Variants in SGCD observed in about 807,000 individuals in gnomAD.
SGCD encodes the protein delta-sarcoglycan.
A neutral mutation model predicts 36.6 loss-of-function variants in SGCD; 18 were observed. The observed-to-expected ratio is 0.49, with a 90% CI of 0.34 to 0.73. The LOEUF is 0.73. SGCD is among the 30% of genes least tolerant of loss of function. SGCD has a pLI of 0.01. For synonymous variants in SGCD, 133 were observed against 130.6 expected, an observed-to-expected ratio of 1.02 and a Z score of -0.12; for missense variants, 387 against 346.7, an observed-to-expected ratio of 1.12 and a Z score of -0.92.
At chr5:156,072,045 C>T (rs1760587051) in intron 1 of SGCD, among the ~76,000 whole-genome samples, 1 of 152,160 alleles carries the variant, frequency 6.6e-6, no homozygotes, top group South Asian at 2.1e-4. Context: ...AGATGGGTTT[C>T]CTCAATACAG....
intron 1 of SGCD, among the ~76,000 whole-genome samples, chr5:156,107,683 G>T (rs947149451): frequency 2.0e-5 from 3 of 151,854 alleles, no homozygotes; most frequent in Admixed American, 6.6e-5. Flanking sequence ...GTTGATCTTT[G>T]TTTTTTTGTC....
intron 7 of SGCD, among the ~76,000 whole-genome samples, chr5:156,695,473 C>A (rs1353921059): frequency 4.6e-5 from 7 of 151,192 alleles, no homozygotes; most frequent in African/African-American, 7.3e-5. Context: ...TAAAATAAAT[C>A]AACCTCTCTC....
At position 156,470,392 on chromosome 5, in the gene SGCD, T is replaced by A. The variant is rs552129384; in HGVS notation, c.193-38209T>A. Among the ~76,000 whole-genome samples the A allele has an allele frequency of 2.0e-5, 3 of 152,300 alleles. No individual in the cohort carries two copies. The East Asian group carries it at 5.8e-4, about 29-fold the overall frequency. ...AGTTTTAGGGTAGATGTGCACAATGTGCAGTTTAGTTACATATGTATACAT... is the reference window on the plus strand; with the variant it reads ...AGTTTTAGGGTAGATGTGCACAATGAGCAGTTTAGTTACATATGTATACAT... On this transcript the variant is annotated intron_variant, in intron 3 of 8. Transcript: ENST00000337851.
intron 4 of SGCD, among the ~76,000 whole-genome samples, chr5:156,528,512 C>A (rs1276294636): frequency 6.6e-6 from 1 of 152,054 alleles, no homozygotes; most frequent in Non-Finnish European, 1.5e-5. Context: ...CTCAAAGATT[C>A]TCTAAGAAGC....
At chr5:156,645,577 A>C (rs1041369885) in intron 6 of SGCD, among the ~76,000 whole-genome samples, 9 of 152,208 alleles carry the variant, frequency 5.9e-5, no homozygotes, top group Admixed American at 5.9e-4. Flanking sequence ...GAGGGACTTA[A>C]TCTGCTAAGG....
intron 7 of SGCD, among the ~76,000 whole-genome samples, chr5:156,707,718 C>T (rs1409360663): frequency 6.6e-6 from 1 of 152,144 alleles, no homozygotes; most frequent in Non-Finnish European, 1.5e-5. Context: ...ATGATAGACA[C>T]TCATTACAGG....
intron 3 of SGCD, among the ~76,000 whole-genome samples, chr5:156,447,270 A>C (rs1275066146): frequency 1.3e-5 from 2 of 152,200 alleles, no homozygotes; most frequent in African/African-American, 4.8e-5. Context: ...GAACCATATA[A>C]AATTTCTAAT....
At chr5:155,830,033 G>A in the SGCD span, among the ~76,000 whole-genome samples, 362 of 152,194 alleles carry the variant, frequency 2.4e-3, 1 homozygote, top group Non-Finnish European at 2.5e-3. Flanking sequence ...ATGAGGGGAT[G>A]GAGGCCCAAA....
chr5:156,685,531 A>G (rs1413158146), intron 7 of SGCD, among the ~76,000 whole-genome samples: 1 of 152,186 alleles, frequency 6.6e-6, no homozygotes, highest in Non-Finnish European at 1.5e-5. Context: ...AATCCTGATG[A>G]GCATCTTTTT....
chr5:156,426,925 AT>A (rs2127784405), intron 3 of SGCD, among the ~76,000 whole-genome samples: 1 of 152,322 alleles, frequency 6.6e-6, no homozygotes, highest in Admixed American at 6.5e-5. Context: ...TACCAGTACC[AT>A]GCTGTTTTGG....
At chr5:155,817,501 T>C in the SGCD span, among the ~76,000 whole-genome samples, 1 of 152,118 alleles carries the variant, frequency 6.6e-6, no homozygotes, top group African/African-American at 2.4e-5. Flanking sequence ...TATTTAGGGT[T>C]TCTTACTTTC....
intron 1 of SGCD, among the ~76,000 whole-genome samples, chr5:156,013,960 A>C (rs1429937074): frequency 6.7e-6 from 1 of 148,832 alleles, no homozygotes; most frequent in Non-Finnish European, 1.5e-5. Context: ...TGTCTCCGAG[A>C]TATGTTTTGG....
the SGCD span, among the ~76,000 whole-genome samples, chr5:155,800,880 T>C: frequency 1.3e-5 from 2 of 152,192 alleles, no homozygotes; most frequent in Admixed American, 6.5e-5. Context: ...TGTTTTGAGA[T>C]ATTTCCTATG....
intron 3 of SGCD, among the ~76,000 whole-genome samples, chr5:156,277,374 G>T (rs1183537067): frequency 6.6e-6 from 1 of 152,072 alleles, no homozygotes; most frequent in Non-Finnish European, 1.5e-5. Context: ...TTTTATTCTG[G>T]AGCTTGAAGT....
At chr5:156,669,226 G>T (rs1753191378) in intron 7 of SGCD, among the ~76,000 whole-genome samples, 1 of 152,114 alleles carries the variant, frequency 6.6e-6, no homozygotes, top group African/African-American at 2.4e-5. Flanking sequence ...TGGGCACTGA[G>T]TGGGTCCAGA....
At chr5:156,035,983 T>C (rs935978180) in intron 1 of SGCD, among the ~76,000 whole-genome samples, 5 of 152,212 alleles carry the variant, frequency 3.3e-5, no homozygotes, top group African/African-American at 9.6e-5. Flanking sequence ...TTTATAGTTA[T>C]ATACATGCTG....
the SGCD span, among the ~76,000 whole-genome samples, chr5:155,826,995 G>T: frequency 6.6e-6 from 1 of 152,142 alleles, no homozygotes; most frequent in Non-Finnish European, 1.5e-5. Context: ...TTGAATTTCT[G>T]TTCAGTGAGA....
chr5:155,940,016 A>G (rs548747186), intron 1 of SGCD, among the ~76,000 whole-genome samples: 2 of 152,046 alleles, frequency 1.3e-5, no homozygotes, highest in African/African-American at 4.8e-5. Context: ...GTATTTTTGT[A>G]GAGATGAGGT....
At chr5:156,105,447 T>C in intron 1 of SGCD, among the ~76,000 whole-genome samples, 1 of 152,202 alleles carries the variant, frequency 6.6e-6, no homozygotes, top group East Asian at 1.9e-4. Flanking sequence ...ATTAATGTTA[T>C]TGCCTTTGTA....
Sources: allele counts gnomAD v4.1 joint callset (sites outside exome capture counted in the v4.1 genomes callset), GRCh38; gene constraint gnomAD v4.1.1; transcripts MANE v1.5; gene names NCBI Gene and HGNC (gene_info 2026-07-23, HGNC 2026-07-21).